Variants in ABCA10 observed in about 807,000 individuals in gnomAD.
ABCA10 encodes ATP binding cassette subfamily A member 10, also known as ATP-binding cassette sub-family A member 10.
In ABCA10, 169 loss-of-function variants were observed where a neutral mutation model predicts 187.5. The ratio of observed to expected loss-of-function variants is 0.90; its 90% CI spans 0.80 to 1.02. The LOEUF is 1.02. ABCA10 is among the 50% of genes least tolerant of loss of function. ABCA10 has a pLI of 0.00. For synonymous variants in ABCA10, 574 were observed against 601.8 expected (o/e 0.95, Z 0.68); for missense variants, 1,727 against 1,812.4 (o/e 0.95, Z 0.86).
chr17:69,180,262 T>C (rs1420247487), intron 22 of ABCA10, among the ~76,000 whole-genome samples: 2 of 152,190 alleles, frequency 1.3e-5, no homozygotes, highest in Admixed American at 1.3e-4. Context: ...TAACCAGTTA[T>C]CCAGTCTACC....
At chr17:69,149,627 C>T (rs571423382) in intron 37 of ABCA10, among the ~76,000 whole-genome samples, 1 of 152,142 alleles carries the variant, frequency 6.6e-6, no homozygotes. Flanking sequence ...AACATAGAGA[C>T]CTCAAGAGCT....
intron 3 of ABCA10, 73 bp from the exon 4 acceptor site, chr17:69,222,770 T>C: frequency 3.0e-6 from 4 of 1,343,106 alleles, no homozygotes; most frequent in East Asian, 2.7e-5. Flanking sequence ...CAAAATACAG[T>C]TGCTTGTTTT....
intron 1 of ABCA10, among the ~76,000 whole-genome samples, chr17:69,244,147 A>G (rs1379525414): frequency 1.3e-5 from 2 of 152,182 alleles, no homozygotes; most frequent in Non-Finnish European, 2.9e-5. Flanking sequence ...TGTAAGTTAA[A>G]GTGATTGCTT....
chr17:69,190,909 A>C (rs920326849), intron 17 of ABCA10, among the ~76,000 whole-genome samples: 1 of 152,092 alleles, frequency 6.6e-6, no homozygotes, highest in African/African-American at 2.4e-5. Context: ...TATTTCTAAC[A>C]GAAACTGCTA....
intron 18 of ABCA10, 79 bp from the exon 19 acceptor site, chr17:69,187,958 A>T: frequency 7.8e-7 from 1 of 1,281,216 alleles, no homozygotes; most frequent in Non-Finnish European, 1.1e-6. Flanking sequence ...ATGATGTTAG[A>T]CTATTTGAAA....
intron 9 of ABCA10, among the ~76,000 whole-genome samples, chr17:69,209,272 T>C (rs2074617027): frequency 6.6e-6 from 1 of 152,256 alleles, no homozygotes; most frequent in Non-Finnish European, 1.5e-5. Context: ...ATGTGGGTTA[T>C]GTATGCTACA....
intron 1 of ABCA10, among the ~76,000 whole-genome samples, chr17:69,235,962 C>T (rs1170823123): frequency 6.6e-6 from 1 of 152,102 alleles, no homozygotes; most frequent in Non-Finnish European, 1.5e-5. Flanking sequence ...AAGAAAACTT[C>T]CAGTGGCTTT....
intron 20 of ABCA10, among the ~76,000 whole-genome samples, chr17:69,183,153 T>C (rs1169595538): frequency 6.6e-6 from 1 of 152,214 alleles, no homozygotes. Flanking sequence ...AACCCTGTAA[T>C]ATTTGTAATT....
chr17:69,169,103 C>T (rs1453019527), intron 25 of ABCA10, among the ~76,000 whole-genome samples: 1 of 152,160 alleles, frequency 6.6e-6, no homozygotes, highest in Non-Finnish European at 1.5e-5. Context: ...AAATCTCAAT[C>T]CTAAAACACT....
At chr17:69,194,051 ATATG>A in intron 12 of ABCA10, 62 bp from the exon 13 acceptor site, 1 of 1,413,010 alleles carries the variant, frequency 7.1e-7, no homozygotes, top group Non-Finnish European at 9.6e-7. Flanking sequence ...GAGTGATAAT[ATATG>A]TTAGTATTTA....
rs766374519 is a variant in ABCA10, at chr17:69,225,404, G to A, written c.-46C>T. ...TGACTGGTGTATATGCCACTACCAGGCCAGAGTCATTAAACTGATCCACGC... is the reference window on the plus strand; with the variant it reads ...TGACTGGTGTATATGCCACTACCAGACCAGAGTCATTAAACTGATCCACGC... On this transcript the variant is annotated 5_prime_UTR_variant, in exon 3 of 39. Transcript: ENST00000690296. 6.2e-7 allele frequency: 1 copy of A among 1,602,540 alleles called. No homozygotes were observed. Among genetic ancestry groups the A allele is most frequent in the Admixed American group, 1.7e-5 (1 of 59,634 alleles).
chr17:69,155,492 A>G (rs957424474), intron 29 of ABCA10, among the ~76,000 whole-genome samples: 1 of 152,192 alleles, frequency 6.6e-6, no homozygotes, highest in Non-Finnish European at 1.5e-5. Context: ...CAAGCATACT[A>G]TAATATAAAA....
At chr17:69,240,561 G>A (rs1244170069) in intron 1 of ABCA10, among the ~76,000 whole-genome samples, 1 of 152,186 alleles carries the variant, frequency 6.6e-6, no homozygotes, top group Non-Finnish European at 1.5e-5. Flanking sequence ...GCACTCTTCG[G>A]TTGGTACAGT....
At chr17:69,177,076 T>G (rs1318955881) in intron 22 of ABCA10, among the ~76,000 whole-genome samples, 6 of 152,218 alleles carry the variant, frequency 3.9e-5, no homozygotes, top group African/African-American at 1.4e-4. Context: ...TATCTCCATC[T>G]ACTTCTCTGG....
intron 5 of ABCA10, among the ~76,000 whole-genome samples, chr17:69,220,786 C>G (rs1490652202): frequency 6.6e-6 from 1 of 152,176 alleles, no homozygotes; most frequent in Non-Finnish European, 1.5e-5. Flanking sequence ...CAGACCAAAT[C>G]TGACCCACCA....
chr17:69,235,588 G>A (rs540083246), intron 1 of ABCA10, among the ~76,000 whole-genome samples: 3 of 151,772 alleles, frequency 2.0e-5, no homozygotes, highest in Non-Finnish European at 4.4e-5. Flanking sequence ...CTACTCAAGC[G>A]GCCTTACCCC....
chr17:69,202,588 T>C (rs921277045), intron 9 of ABCA10, among the ~76,000 whole-genome samples: 4 of 152,166 alleles, frequency 2.6e-5, no homozygotes, highest in Non-Finnish European at 5.9e-5. Context: ...ACAGATTAAA[T>C]TGTTTCTGCC....
Position 69,195,473 on chromosome 17 carries a change from T to C in ABCA10, c.1235-978A>G, listed in dbSNP as rs138722426. Among the ~76,000 whole-genome samples the C allele has an allele frequency of 2.8e-3, 427 of 151,564 alleles. 3 individuals carry two copies. Among genetic ancestry groups the C allele is most frequent in the South Asian group, 4.8e-3 (23 of 4,828 alleles). ...TTTTTGTTTTCTCTTTATTCTCTAA[T>C]TTTCCACAATAATGATATTTTCACA... On this transcript the variant is annotated intron_variant, in intron 11 of 38. Transcript: ENST00000690296.
intron 25 of ABCA10, among the ~76,000 whole-genome samples, chr17:69,170,300 A>C (rs1245709351): frequency 6.6e-6 from 1 of 152,084 alleles, no homozygotes; most frequent in East Asian, 1.9e-4. Flanking sequence ...AAAAAAAAAA[A>C]AAATTACGTT....
Sources: gnomAD v4.1 joint callset for allele counts (sites outside exome capture counted in the v4.1 genomes callset) on GRCh38, gnomAD v4.1.1 for gene constraint, MANE v1.5 for transcripts, NCBI Gene and HGNC (gene_info 2026-07-23, HGNC 2026-07-21) for gene names.